APCDD1L: variants seen among roughly 807,000 people sequenced by gnomAD.
APCDD1L encodes protein APCDD1-like.
APCDD1L carries 21 observed loss-of-function variants against 24.2 expected under a neutral mutation model. The ratio of observed to expected loss-of-function variants is 0.87; its 90% CI spans 0.61 to 1.25. APCDD1L has a LOEUF of 1.25. Among genes scored for constraint, APCDD1L ranks in the 50% most tolerant of loss-of-function variants. The pLI, the probability that APCDD1L is intolerant of heterozygous loss-of-function variation, is 0.00. For synonymous variants in APCDD1L, 321 were observed against 323.6 expected (o/e 0.99, Z 0.09); for missense variants, 704 against 711.7 (o/e 0.99, Z 0.12).
chr20:58,470,538 T>C (rs1848935269), intron 2 of APCDD1L, 71 bp downstream of exon 2: 17 of 1,485,582 alleles, frequency 1.1e-5, no homozygotes, highest in Admixed American at 7.2e-5. Context: ...TTTCAAAGAT[T>C]GGATGCCGAG....
chr20:58,491,728 A>C (rs1346491282), intron 1 of APCDD1L, among the ~76,000 whole-genome samples: 1 of 152,256 alleles, frequency 6.6e-6, no homozygotes, highest in Non-Finnish European at 1.5e-5. Context: ...GATCTTGAGA[A>C]GATGGTTATA....
At chr20:58,485,379 C>A (rs910985696) in intron 1 of APCDD1L, among the ~76,000 whole-genome samples, 1 of 152,166 alleles carries the variant, frequency 6.6e-6, no homozygotes, top group Non-Finnish European at 1.5e-5. Context: ...TTGGGCCACA[C>A]TGGATATTAG....
At chr20:58,483,354 G>T (rs548984154) in intron 1 of APCDD1L, among the ~76,000 whole-genome samples, 1 of 151,586 alleles carries the variant, frequency 6.6e-6, no homozygotes, top group South Asian at 2.1e-4. Context: ...CAGGGGGTGA[G>T]ATCAGGTGTA....
At chr20:58,491,481 T>C (rs6092647) in intron 1 of APCDD1L, among the ~76,000 whole-genome samples, 4,309 of 151,508 alleles carry the variant, frequency 0.028, 208 homozygotes, top group African/African-American at 0.098. Flanking sequence ...GGAGGGAATA[T>C]ATCATTTACA....
In APCDD1L at chr20:58,467,506, C is replaced by T. The variant is rs1307383284; in HGVS notation, c.341G>A (p.Arg114Gln). 2 of 1,599,644 alleles carry T rather than the reference C, an allele frequency of 1.3e-6. No individual in the cohort carries two copies. Among genetic ancestry groups the T allele is most frequent in the South Asian group, 1.1e-5 (1 of 88,858 alleles). The change falls in exon 3 of 4, where the codon CGG becomes CAG. Residue 114 changes from arginine (R) to glutamine (Q), a missense_variant. Arg to Gln is a conservative substitution (Grantham distance 43). Coordinates refer to ENST00000371149, the MANE Select transcript of APCDD1L (RefSeq NM_153360.3). The surrounding 1 kb of genome is among the most constrained non-coding windows in gnomAD (Gnocchi z 5.9). ...GGCTCCCCGGGTGACCCAGGAGGCC[C>T]GGCGCAGGCGGACTTTGCCCTTGAC... ...LLVKGKVRLR[R>Q]ASWVTRGATE...
intron 1 of APCDD1L, among the ~76,000 whole-genome samples, chr20:58,489,108 G>A (rs1990176201): frequency 6.6e-6 from 1 of 152,188 alleles, no homozygotes; most frequent in African/African-American, 2.4e-5. Flanking sequence ...ATGATCCAAT[G>A]TGTGTGTTTA....
intron 1 of APCDD1L, among the ~76,000 whole-genome samples, chr20:58,485,628 C>T (rs1990105947): frequency 6.6e-6 from 1 of 152,190 alleles, no homozygotes; most frequent in African/African-American, 2.4e-5. Context: ...CTGACAGGGG[C>T]CTCTCGCTGT....
chr20:58,486,951 TC>T (rs1446737589), intron 1 of APCDD1L, among the ~76,000 whole-genome samples: 2 of 132,804 alleles, frequency 1.5e-5, no homozygotes, highest in Non-Finnish European at 3.1e-5. Flanking sequence ...AACCTCCGCC[TC>T]CCAGGTTCAA....
At chr20:58,514,582 C>A in intron 1 of APCDD1L, 77 bp downstream of exon 1, 1 of 1,257,036 alleles carries the variant, frequency 8.0e-7, no homozygotes, top group East Asian at 3.0e-5. Flanking sequence ...CCCAAGGGCC[C>A]TTAGGGGACA....
rs1432111838 is a variant in APCDD1L, at chr20:58,467,251, A to T, written c.596T>A (p.Val199Asp). The T allele has an allele frequency of 2.5e-6, 4 of 1,585,956 alleles. No individual in the cohort carries two copies. The African/African-American group carries it at 4.0e-5, about 16-fold the overall frequency. ...CGGCTGCAGGCGGCGCTGCACGCGG[A>T]CCAGGCTGAGCTCGTGCATGGTGAG... ...LGLTMHELSL[V>D]RVQRRLQPQP... is the part of the protein sequence containing the mutation. Residue 199 changes from valine to aspartate, a missense_variant, in exon 3 of 4, where the codon GTC (valine) becomes GAC (aspartate). Physicochemically the swap from Val to Asp is radical, Grantham distance 152 (BLOSUM62 -3). Coordinates refer to ENST00000371149, the MANE Select transcript of APCDD1L (RefSeq NM_153360.3). This position sits in a 1 kb window ranked among gnomAD's most constrained non-coding sequence, Gnocchi z 5.9.
intron 1 of APCDD1L, among the ~76,000 whole-genome samples, chr20:58,510,752 G>C (rs949479388): frequency 6.6e-6 from 1 of 152,304 alleles, no homozygotes. Flanking sequence ...AGAATGACAG[G>C]AGACAGCAGC....
At chr20:58,463,944 A>T (rs1233300766) in intron 3 of APCDD1L, among the ~76,000 whole-genome samples, 1 of 146,766 alleles carries the variant, frequency 6.8e-6, no homozygotes, top group Non-Finnish European at 1.5e-5. Context: ...TATTTCTATA[A>T]TGAACCTTAA....
Position 58,467,706 on chromosome 20 carries a change from C to T in APCDD1L, c.189-48G>A, listed in dbSNP as rs1187582900. Reference sequence around the variant, plus strand: ...GCTGGGTGCAGAGGGAACACCGCGCCGCGAGCCCCTCTCCCCTCTGGGCTG... The same window carrying T: ...GCTGGGTGCAGAGGGAACACCGCGCTGCGAGCCCCTCTCCCCTCTGGGCTG... On this transcript the variant is annotated intron_variant, in intron 2 of 3. Transcript: ENST00000371149. This position sits in a 1 kb window ranked among gnomAD's most constrained non-coding sequence, Gnocchi z 5.9. 3 of 1,402,632 alleles carry T rather than the reference C, an allele frequency of 2.1e-6. No individual in the cohort carries two copies. The highest frequency in any genetic ancestry group is 3.0e-5 in the African/African-American group (2 of 66,498). The allele number at this position is 1,402,632 out of a possible 1,614,324, so 86.9% of individuals were successfully genotyped here. A position where few individuals can be genotyped will look rare whatever the true frequency, so the allele number is the denominator to read the frequency against.
rs1989603266 is a variant in APCDD1L at position 58,461,401 on chromosome 20, TGA to T, written c.893_894del (p.Leu298HisfsTer56). 1 of 1,553,022 alleles carries T rather than the reference TGA, an allele frequency of 6.4e-7. No individual in the cohort carries two copies. On this transcript the variant is annotated frameshift_variant, in exon 4 of 4. Transcript: ENST00000371149. LOFTEE classifies it low-confidence loss of function (END_TRUNC). This position sits in a 1 kb window ranked among gnomAD's most constrained non-coding sequence, Gnocchi z 6.0. ...GCEVRPAVLF[L>X]TRLFTFHGHS... ...TGCCCGTGGAAAGTGAAGAGCCGGG[TGA>T]GGAACAGGACTGCTGGGCGCACCTC...
Position 58,499,985 on chromosome 20 carries a change from A to C in APCDD1L, c.49+14674T>G, listed in dbSNP as rs1024229460. 8.5e-5 allele frequency among the ~76,000 whole-genome samples: 13 copies of C among 152,176 alleles called. 1 individual carries two copies. Among genetic ancestry groups the C allele is most frequent in the Admixed American group, 7.2e-4 (11 of 15,282 alleles). ...AGACTGGGCACTTCCATCTCACACC[A>C]AGATTGTTTTTTTAAAAAAACACAT... On this transcript the variant is annotated intron_variant, in intron 1 of 3. Coordinates refer to ENST00000371149, the MANE Select transcript of APCDD1L (RefSeq NM_153360.3).
chr20:58,490,934 T>C (rs573474143), intron 1 of APCDD1L, among the ~76,000 whole-genome samples: 1 of 152,334 alleles, frequency 6.6e-6, no homozygotes, highest in Admixed American at 6.5e-5. Context: ...GATAACACAT[T>C]ATGTCCATGT....
Position 58,461,983 on chromosome 20 carries a change from A to C in APCDD1L, c.742-429T>G, listed in dbSNP as rs547298803. On this transcript the variant is annotated intron_variant, in intron 3 of 3. Transcript: ENST00000371149. This position sits in a 1 kb window ranked among gnomAD's most constrained non-coding sequence, Gnocchi z 6.0. ...CTCACCCCTCATCAAACTGGAATGC[A>C]TCGTGCCTTACAGTACTAAAAAGCC... The C allele has an allele frequency of 5.8e-6, 1 of 171,164 alleles. No individual in the cohort carries two copies. Among genetic ancestry groups the C allele is most frequent in the African/African-American group, 2.4e-5 (1 of 42,144 alleles). The allele number at this position is 171,164 out of a possible 1,614,324, so 10.6% of individuals were successfully genotyped here. A position where few individuals can be genotyped will look rare whatever the true frequency, so the allele number is the denominator to read the frequency against.
chr20:58,495,457 T>C (rs1397068302), intron 1 of APCDD1L, among the ~76,000 whole-genome samples: 2 of 152,176 alleles, frequency 1.3e-5, no homozygotes, highest in East Asian at 3.9e-4. Flanking sequence ...TTAGTCTGAA[T>C]GGGCCTGACC....
At chr20:58,468,100 A>G (rs1043864763) in intron 2 of APCDD1L, among the ~76,000 whole-genome samples, 1 of 152,092 alleles carries the variant, frequency 6.6e-6, no homozygotes, top group African/African-American at 2.4e-5. Flanking sequence ...TGCCCTGACC[A>G]GGTCTCATCC....
Sources: gnomAD v4.1 joint callset for allele counts (sites outside exome capture counted in the v4.1 genomes callset) on GRCh38, gnomAD v4.1.1 for gene constraint, Gnocchi (gnomAD v3.1) non-coding constraint, MANE v1.5 for transcripts, NCBI Gene and HGNC (gene_info 2026-07-23, HGNC 2026-07-21) for gene names.